The following POLR2C variants were observed in gnomAD, a reference collection of about 807,000 sequenced individuals.
POLR2C encodes RNA polymerase II subunit C.
POLR2C carries 36 observed loss-of-function variants against 41.7 expected under a neutral mutation model. That is an observed-to-expected ratio of 0.86 (90% confidence interval 0.66 to 1.14). The LOEUF (loss-of-function observed/expected upper bound fraction) is 1.14, where lower values mean the gene tolerates loss of function less well. Among genes scored for constraint, POLR2C ranks in the 50% most tolerant of loss-of-function variants. The pLI is 0.00. For synonymous variants in POLR2C, 133 were observed against 137.8 expected, an observed-to-expected ratio of 0.96 and a Z score of 0.25; for missense variants, 260 against 350.4, an observed-to-expected ratio of 0.74 and a Z score of 2.06.
intron 8 of POLR2C, 160 bp downstream of exon 8, chr16:57,470,514 A>AG: frequency 1.7e-6 from 1 of 600,920 alleles, no homozygotes; most frequent in East Asian, 2.9e-5. Context: ...TGCACATCCC[A>AG]GGGGCAGGTC....
chr16:57,466,358 C>T lies in POLR2C; in HGVS notation c.258+131C>T, dbSNP rs962513204. 5 of 696,486 alleles carry T rather than the reference C, an allele frequency of 7.2e-6. No individual in the cohort carries two copies. In the African/African-American group the frequency reaches 9.0e-5, roughly 13 times the overall value. 43.1% of individuals were successfully genotyped at this position (696,486 alleles called of 1,614,324 possible). On this transcript the variant is annotated intron_variant, in intron 4 of 8. Coordinates refer to ENST00000219252, the MANE Select transcript of POLR2C (RefSeq NM_032940.3). Reference sequence around the variant, plus strand: ...TGGAACAACAACGTGGAGATGTTGTCTAGAGCCTGGGCAGGCCTTGGTCCT... The same window carrying T: ...TGGAACAACAACGTGGAGATGTTGTTTAGAGCCTGGGCAGGCCTTGGTCCT...
chr16:57,469,793 C>A lies in POLR2C; in HGVS notation c.439+32C>A. 1 of 1,603,848 alleles carries A rather than the reference C, an allele frequency of 6.2e-7. No homozygotes were observed. Among genetic ancestry groups the A allele is most frequent in the South Asian group, 1.1e-5 (1 of 90,888 alleles). The stretch of plus-strand genomic sequence containing the variant: ...CTTCCTGACCTGTCACCGTGTGGGC[C>A]AGCGGGAAGGAGGGACCAGACACAG... On this transcript the variant is annotated intron_variant, in intron 6 of 8. Transcript: ENST00000219252. This position sits in a 1 kb window ranked among gnomAD's most constrained non-coding sequence, Gnocchi z 5.8.
rs901733146 is a variant in POLR2C at position 57,470,065 on chromosome 16, G to A, written c.544G>A (p.Val182Met). Residue 182 changes from valine (V) to methionine (M), a missense_variant, in exon 7 of 9, where the codon GTG (valine) becomes ATG (methionine). Transcript: ENST00000219252. The stretch of plus-strand genomic sequence containing the variant: ...TGCCAAGTGGAACCCTACTGCAGGG[G>A]TGGCTTTTGAATACGATCCAGACAA... ...EHAKWNPTAGVAFEYDPDNAL... is the reference protein window; with the variant it reads ...EHAKWNPTAGMAFEYDPDNAL... 6.2e-7 allele frequency: 1 copy of A among 1,614,202 alleles called. No homozygotes were observed. The highest frequency in any genetic ancestry group is 8.5e-7 in the Non-Finnish European group (1 of 1,180,030).
intron 8 of POLR2C, among the ~76,000 whole-genome samples, chr16:57,470,608 G>T (rs1332860543): frequency 6.6e-6 from 1 of 152,158 alleles, no homozygotes; most frequent in African/African-American, 2.4e-5. Context: ...CCAAAGAAGA[G>T]ATTCTTCAGG....
At position 57,469,042 on chromosome 16, in the gene POLR2C, A is replaced by T. The variant is rs2030768575; in HGVS notation, c.259-123A>T. The T allele has an allele frequency of 1.2e-5, 11 of 899,104 alleles. No homozygotes were observed. The highest frequency in any genetic ancestry group is 1.7e-5 in the Non-Finnish European group (10 of 581,606). The allele number at this position is 899,104 out of a possible 1,614,324, so 55.7% of individuals were successfully genotyped here. On this transcript the variant is annotated intron_variant, in intron 4 of 8. Coordinates refer to ENST00000219252, the MANE Select transcript of POLR2C (RefSeq NM_032940.3). The surrounding 1 kb of genome is among the most constrained non-coding windows in gnomAD (Gnocchi z 5.8). ...CCCACAAGAACCTGGATACTGATGA[A>T]CCCCTTTTTACAGGTGAAGAAACTT...
chr16:57,469,055 G>T lies in POLR2C; in HGVS notation c.259-110G>T, dbSNP rs2030768914. The T allele has an allele frequency of 9.2e-7, 1 of 1,087,968 alleles. No homozygotes were observed. Among genetic ancestry groups the T allele is most frequent in the African/African-American group, 1.6e-5 (1 of 63,940 alleles). 67.4% of individuals were successfully genotyped at this position (1,087,968 alleles called of 1,614,324 possible). ...GGATACTGATGAACCCCTTTTTACA[G>T]GTGAAGAAACTTAAGGAACTGGGCA... is the stretch of plus-strand genomic sequence containing the variant. On this transcript the variant is annotated intron_variant, in intron 4 of 8. Coordinates refer to ENST00000219252, the MANE Select transcript of POLR2C (RefSeq NM_032940.3). The surrounding 1 kb of genome is among the most constrained non-coding windows in gnomAD (Gnocchi z 5.8).
At position 57,471,318 on chromosome 16, in the gene POLR2C, C is replaced by T; in HGVS notation, c.*199C>T. 1.8e-6 allele frequency: 1 copy of T among 561,496 alleles called. No homozygotes were observed. Among genetic ancestry groups the T allele is most frequent in the Non-Finnish European group, 3.2e-6 (1 of 315,112 alleles). 34.8% of individuals were successfully genotyped at this position (561,496 alleles called of 1,614,324 possible). Reference sequence around the variant, plus strand: ...GGTGTTTAGGCAGGATAGGTCTTTACTGGCCCTGACTGCTGTTAATAATTG... The same window carrying T: ...GGTGTTTAGGCAGGATAGGTCTTTATTGGCCCTGACTGCTGTTAATAATTG... On this transcript the variant is annotated 3_prime_UTR_variant, in exon 9 of 9. Coordinates refer to ENST00000219252, the MANE Select transcript of POLR2C (RefSeq NM_032940.3).
chr16:57,465,204 T>C (rs1398719428), intron 2 of POLR2C, among the ~76,000 whole-genome samples: 3 of 152,220 alleles, frequency 2.0e-5, no homozygotes, highest in East Asian at 3.9e-4. Flanking sequence ...ATGGGAAGCA[T>C]AGCAGGACAG....
chr16:57,466,268 A>G, intron 4 of POLR2C, 41 bp downstream of exon 4: 1 of 1,381,044 alleles, frequency 7.2e-7, no homozygotes, highest in Non-Finnish European at 1.0e-6. Context: ...TTTGGTGGGG[A>G]GGCTTTGGTT....
chr16:57,470,264 C>G lies in POLR2C; in HGVS notation c.609-16C>G, dbSNP rs2030799363. Reference sequence around the variant, plus strand: ...GGAGCAGTGGCAACCTTGTGCTGACCTGTGTTTGACCTCAGGCCAAAGAGT... The same window carrying G: ...GGAGCAGTGGCAACCTTGTGCTGACGTGTGTTTGACCTCAGGCCAAAGAGT... On this transcript the variant is annotated splice_polypyrimidine_tract_variant and intron_variant, in intron 7 of 8. Coordinates refer to ENST00000219252, the MANE Select transcript of POLR2C (RefSeq NM_032940.3). The G allele has an allele frequency of 6.2e-7, 1 of 1,612,248 alleles. No individual in the cohort carries two copies. Among genetic ancestry groups the G allele is most frequent in the African/African-American group, 1.3e-5 (1 of 74,848 alleles).
rs1567584422 is a variant in POLR2C at position 57,470,088 on chromosome 16, C to CA, written c.569dup (p.Asn190LysfsTer18). The CA allele has an allele frequency of 6.2e-7, 1 of 1,614,160 alleles. No individual in the cohort carries two copies. ...GGGTGGCTTTTGAATACGATCCAGACAATGCCCTGAGGCACACAGTGTACC... is the reference window on the plus strand; with the variant it reads ...GGGTGGCTTTTGAATACGATCCAGACAAATGCCCTGAGGCACACAGTGTACC... On this transcript the variant is annotated frameshift_variant, in exon 7 of 9. Coordinates refer to ENST00000219252, the MANE Select transcript of POLR2C (RefSeq NM_032940.3). LOFTEE classifies it high-confidence loss of function.
intron 2 of POLR2C, among the ~76,000 whole-genome samples, chr16:57,464,451 G>T (rs1598042748): frequency 6.6e-6 from 1 of 152,148 alleles, no homozygotes; most frequent in Non-Finnish European, 1.5e-5. Flanking sequence ...TTCTGGTCTG[G>T]TTCCAGCCAC....
At chr16:57,464,419 T>G (rs546499196) in intron 2 of POLR2C, among the ~76,000 whole-genome samples, 49 of 152,268 alleles carry the variant, frequency 3.2e-4, no homozygotes, top group Admixed American at 9.2e-4. Context: ...TGCACTTGGC[T>G]CTTAGAGGAG....
intron 4 of POLR2C, among the ~76,000 whole-genome samples, chr16:57,468,043 T>C (rs2030750040): frequency 6.6e-6 from 1 of 152,218 alleles, no homozygotes; most frequent in Non-Finnish European, 1.5e-5. Flanking sequence ...CAGGTCTCGC[T>C]CTGTCACCCA....
intron 2 of POLR2C, chr16:57,463,449 G>C (rs1326354266): frequency 2.6e-6 from 1 of 388,816 alleles, no homozygotes; most frequent in African/African-American, 2.1e-5. Flanking sequence ...GGTATAGTGC[G>C]TGATGCTGAG....
At position 57,469,972 on chromosome 16, in the gene POLR2C, G is replaced by C; in HGVS notation, c.451G>C (p.Val151Leu). ...GCCTCTCCCTGCAGACATCCTCATC[G>C]TCAAGTTGAGAAAGGGCCAGGAGCT... Reference protein sequence around the residue: ...DYVEQDDILIVKLRKGQELRL... With the variant: ...DYVEQDDILILKLRKGQELRL... Residue 151 changes from valine to leucine, a missense_variant, in exon 7 of 9, where the codon GTC becomes CTC. Coordinates refer to ENST00000219252, the MANE Select transcript of POLR2C (RefSeq NM_032940.3). The surrounding 1 kb of genome is among the most constrained non-coding windows in gnomAD (Gnocchi z 5.8). 1.2e-6 allele frequency: 2 copies of C among 1,613,636 alleles called. No individual in the cohort carries two copies. The highest frequency in any genetic ancestry group is 2.2e-5 in the South Asian group (2 of 91,034).
chr16:57,466,345 G>A lies in POLR2C; in HGVS notation c.258+118G>A, dbSNP rs150823819. Reference sequence around the variant, plus strand: ...ACTGTTGTAGTTCTGGAACAACAACGTGGAGATGTTGTCTAGAGCCTGGGC... The same window carrying A: ...ACTGTTGTAGTTCTGGAACAACAACATGGAGATGTTGTCTAGAGCCTGGGC... On this transcript the variant is annotated intron_variant, in intron 4 of 8. Coordinates refer to ENST00000219252, the MANE Select transcript of POLR2C (RefSeq NM_032940.3). 98 of 723,136 alleles carry A rather than the reference G, an allele frequency of 1.4e-4. No homozygotes were observed. The East Asian group carries it at 2.3e-3, about 17-fold the overall frequency. 44.8% of individuals were successfully genotyped at this position (723,136 alleles called of 1,614,324 possible).
intron 4 of POLR2C, among the ~76,000 whole-genome samples, chr16:57,467,394 A>G (rs2030735839): frequency 6.6e-6 from 1 of 152,212 alleles, no homozygotes; most frequent in African/African-American, 2.4e-5. Context: ...ATTGGTGGGG[A>G]CCGTTGTACA....
At chr16:57,465,783 G>A in intron 2 of POLR2C, 170 bp from the exon 3 acceptor site, 1 of 617,392 alleles carries the variant, frequency 1.6e-6, no homozygotes. Flanking sequence ...GGTGTGGTGT[G>A]TGTGGGTCTT....
Sources: allele counts gnomAD v4.1 joint callset (sites outside exome capture counted in the v4.1 genomes callset), GRCh38; gene constraint gnomAD v4.1.1; non-coding constraint Gnocchi (gnomAD v3.1); transcripts MANE v1.5; gene names NCBI Gene and HGNC (gene_info 2026-07-23, HGNC 2026-07-21).